PAPPA: variants seen among roughly 807,000 people sequenced by gnomAD.
PAPPA encodes the protein pappalysin-1.
In PAPPA, 60 loss-of-function variants were observed where a neutral mutation model predicts 164.0. The observed-to-expected ratio is 0.37, with a 90% CI of 0.30 to 0.45. The LOEUF (loss-of-function observed/expected upper bound fraction) is 0.45. Ranked by LOEUF, PAPPA falls within the 20% of genes least tolerant of loss-of-function variation. PAPPA has a pLI of 1.00. For synonymous variants in PAPPA, 875 were observed against 814.1 expected (o/e 1.07, Z -1.27); for missense variants, 1,782 against 2,087.3 (o/e 0.85, Z 2.85).
chr9:116,350,404 G>C (rs754136219), intron 15 of PAPPA, among the ~76,000 whole-genome samples: 10 of 152,142 alleles, frequency 6.6e-5, no homozygotes, highest in Admixed American at 1.3e-4. Context: ...TTGCAGGGGT[G>C]GGGGGACATA....
chr9:116,276,752 A>G (rs527936511), intron 9 of PAPPA, among the ~76,000 whole-genome samples: 1 of 151,992 alleles, frequency 6.6e-6, no homozygotes, highest in East Asian at 1.9e-4. Flanking sequence ...TGCCATTAGC[A>G]TCACTCTGTG....
chr9:116,378,619 G>A (rs904749342), intron 20 of PAPPA, among the ~76,000 whole-genome samples: 2 of 152,202 alleles, frequency 1.3e-5, no homozygotes, highest in African/African-American at 4.8e-5. Flanking sequence ...GACCCAGGCA[G>A]TGGCTGGATC....
intron 1 of PAPPA, among the ~76,000 whole-genome samples, chr9:116,174,012 C>T (rs1373747093): frequency 6.6e-6 from 1 of 152,206 alleles, no homozygotes; most frequent in African/African-American, 2.4e-5. Context: ...ATCTTTGTCA[C>T]TTGGCCAACA....
rs1847029327 is a variant in PAPPA at position 116,400,146 on chromosome 9, G to A, written c.*3530G>A. The A allele has an allele frequency of 6.6e-6, 1 of 152,446 alleles. No individual in the cohort carries two copies. The highest frequency in any genetic ancestry group is 1.5e-5 in the Non-Finnish European group (1 of 68,018). The allele number at this position is 152,446 out of a possible 1,614,324, so 9.4% of individuals were successfully genotyped here. On this transcript the variant is annotated 3_prime_UTR_variant, in exon 22 of 22. Transcript: ENST00000328252. ...GAAAATAAAAAAAAATGGTGACAAA[G>A]CTGTACAGATAGAGATAATAGAAGA...
chr9:116,271,032 T>C lies in PAPPA; in HGVS notation c.2862-293T>C, dbSNP rs372060678. On this transcript the variant is annotated intron_variant, in intron 8 of 21. Coordinates refer to ENST00000328252, the MANE Select transcript of PAPPA (RefSeq NM_002581.5). The surrounding 1 kb of genome is among the most constrained non-coding windows in gnomAD (Gnocchi z 4.2). ...AGACCATTTATTTGTTCATTAGTTCTTCCATGTCTTACTCCCATCTGACTT... is the reference window on the plus strand; with the variant it reads ...AGACCATTTATTTGTTCATTAGTTCCTCCATGTCTTACTCCCATCTGACTT... Among the ~76,000 whole-genome samples, 21 of 152,204 alleles carry C rather than the reference T, an allele frequency of 1.4e-4. No individual in the cohort carries two copies. The highest frequency in any genetic ancestry group is 5.1e-4 in the African/African-American group (21 of 41,428).
rs546128569 is a variant in PAPPA at position 116,188,224 on chromosome 9, C to T, written c.1478+8C>T. ...CCCCGACTCTCCACACAGGTAAGAC[C>T]TTACTGGGCTAAAGATGCCCAGTTG... On this transcript the variant is annotated splice_region_variant and intron_variant, in intron 2 of 21. Coordinates refer to ENST00000328252, the MANE Select transcript of PAPPA (RefSeq NM_002581.5). 127 of 1,589,478 alleles carry T rather than the reference C, an allele frequency of 8.0e-5. No individual in the cohort carries two copies. The highest frequency in any genetic ancestry group is 1.0e-4 in the Non-Finnish European group (121 of 1,160,798).
chr9:116,353,265 C>A (rs760095842), intron 16 of PAPPA, among the ~76,000 whole-genome samples: 8 of 152,022 alleles, frequency 5.3e-5, no homozygotes, highest in Non-Finnish European at 8.8e-5. Flanking sequence ...AAAGTGCTCA[C>A]AAAATGCTTT....
At chr9:116,263,263 T>C (rs528143577) in intron 7 of PAPPA, among the ~76,000 whole-genome samples, 134 of 152,216 alleles carry the variant, frequency 8.8e-4, no homozygotes, top group African/African-American at 3.2e-3. Flanking sequence ...GGGACACAGA[T>C]TTCGCCCCAG....
At chr9:116,267,747 C>T (rs937521126) in intron 8 of PAPPA, among the ~76,000 whole-genome samples, 3 of 151,726 alleles carry the variant, frequency 2.0e-5, no homozygotes, top group African/African-American at 7.2e-5. Flanking sequence ...CGGTGGCGGG[C>T]GCCTGTAGTC....
chr9:116,389,301 T>C (rs540043170), intron 21 of PAPPA, among the ~76,000 whole-genome samples: 1 of 151,918 alleles, frequency 6.6e-6, no homozygotes, highest in Non-Finnish European at 1.5e-5. Context: ...CCTGGCTAAT[T>C]TTTGTATTTT....
chr9:116,369,838 C>A (rs1846549996), intron 19 of PAPPA, among the ~76,000 whole-genome samples: 1 of 150,476 alleles, frequency 6.6e-6, no homozygotes, highest in Admixed American at 6.6e-5. Flanking sequence ...TGCTGGCCTA[C>A]CGAGAGAACC....
intron 10 of PAPPA, among the ~76,000 whole-genome samples, chr9:116,314,016 G>A (rs1015248431): frequency 2.8e-5 from 4 of 140,556 alleles, no homozygotes; most frequent in African/African-American, 1.0e-4. Context: ...TTGGAATAGA[G>A]TAAGTACTAC....
At chr9:116,219,868 G>A (rs977369232) in intron 4 of PAPPA, 69 bp from the exon 5 acceptor site, 30 of 1,345,204 alleles carry the variant, frequency 2.2e-5, no homozygotes, top group African/African-American at 1.3e-4. Flanking sequence ...GCCAGGAGCC[G>A]TCATTACTCT....
Position 116,335,013 on chromosome 9 carries a change from T to G in PAPPA, c.3550T>G (p.Phe1184Val). The part of the protein sequence containing the change: ...SGVALRSFDN[F>V]DPVTLSSCQR... The stretch of plus-strand genomic sequence containing the variant: ...GGTGGCCCTCCGTTCCTTCGACAAC[T>G]TTGACCCCGTCACCCTGAGCAGCTG... The change falls in exon 13 of 22, where the codon TTT becomes GTT. Residue 1184 changes from phenylalanine to valine, a missense_variant. Physicochemically the swap from Phe to Val is conservative, Grantham distance 50. Transcript: ENST00000328252. 1 of 1,613,670 alleles carries G rather than the reference T, an allele frequency of 6.2e-7. No individual in the cohort carries two copies. The highest frequency in any genetic ancestry group is 8.5e-7 in the Non-Finnish European group (1 of 1,179,936).
At chr9:116,344,456 G>A in intron 13 of PAPPA, 87 bp from the exon 14 acceptor site, 2 of 1,366,134 alleles carry the variant, frequency 1.5e-6, no homozygotes, top group South Asian at 2.8e-5. Context: ...AAATCTTGGA[G>A]AAAGAGGCTC....
chr9:116,334,802 G>GGCGTGACT, intron 12 of PAPPA, 59 bp from the exon 13 acceptor site: 1 of 1,310,822 alleles, frequency 7.6e-7, no homozygotes, highest in Non-Finnish European at 1.1e-6. Flanking sequence ...CGTTGGGGAG[G>GGCGTGACT]GCGTGACTGG....
At chr9:116,252,021 A>T (rs1477491543) in intron 7 of PAPPA, among the ~76,000 whole-genome samples, 1 of 152,210 alleles carries the variant, frequency 6.6e-6, no homozygotes, top group East Asian at 1.9e-4. Context: ...GTAGAAAATC[A>T]TTTCAATTGG....
At chr9:116,386,560 G>A (rs968922594) in intron 21 of PAPPA, among the ~76,000 whole-genome samples, 3 of 152,196 alleles carry the variant, frequency 2.0e-5, no homozygotes, top group African/African-American at 7.2e-5. Context: ...ACTTGCCCAA[G>A]TTCACTTGGC....
chr9:116,240,752 G>C (rs888851194), intron 7 of PAPPA, among the ~76,000 whole-genome samples: 2 of 152,172 alleles, frequency 1.3e-5, no homozygotes, highest in Non-Finnish European at 2.9e-5. Context: ...CTATCAAGGG[G>C]CAAAGCTGGG....
Sources: allele counts gnomAD v4.1 joint callset (sites outside exome capture counted in the v4.1 genomes callset), GRCh38; gene constraint gnomAD v4.1.1; non-coding constraint Gnocchi (gnomAD v3.1); transcripts MANE v1.5; gene names NCBI Gene and HGNC (gene_info 2026-07-23, HGNC 2026-07-21).